EPHA3: variants seen among roughly 807,000 people sequenced by gnomAD.
The protein encoded by EPHA3 is EPH receptor A3, also known as ephrin type-A receptor 3.
EPHA3 carries 42 observed loss-of-function variants against 107.1 expected under a neutral mutation model. That is an observed-to-expected ratio of 0.39 (90% CI 0.31 to 0.51). EPHA3 has a LOEUF of 0.51. Ranked by LOEUF, EPHA3 falls within the 20% of genes least tolerant of loss-of-function variation. The probability of loss-of-function intolerance (pLI) is 0.78; values close to 1 mark genes in which losing one functional copy is unlikely to be tolerated. For synonymous variants in EPHA3, 461 were observed against 424.8 expected, an observed-to-expected ratio of 1.09 and a Z score of -1.05; for missense variants, 1,183 against 1,211.2, an observed-to-expected ratio of 0.98 and a Z score of 0.35.
Position 89,137,930 on chromosome 3 carries a change from T to C in EPHA3, c.153+10657T>C, listed in dbSNP as rs1344109960. ...AATGCAAAATTCTGGGCCCCAATCA[T>C]GACCTGTTGCATTAGAAACCCTGAG... On this transcript the variant is annotated intron_variant, in intron 2 of 16. Coordinates refer to ENST00000336596, the MANE Select transcript of EPHA3 (RefSeq NM_005233.6). Among the ~76,000 whole-genome samples the C allele has an allele frequency of 3.9e-5, 6 of 151,982 alleles. No homozygotes were observed. The East Asian group carries it at 1.2e-3, about 29-fold the overall frequency.
At chr3:89,290,458 C>G (rs73846127) in intron 3 of EPHA3, among the ~76,000 whole-genome samples, 5,206 of 152,142 alleles carry the variant, frequency 0.034, 301 homozygotes, top group African/African-American at 0.12. Flanking sequence ...AATGGGTACC[C>G]TCTCCTCCAC....
rs189162463 is a variant in EPHA3 at position 89,128,260 on chromosome 3, C to T, written c.153+987C>T. On this transcript the variant is annotated intron_variant, in intron 2 of 16. Transcript: ENST00000336596. ...ATGTTTTCCATCAGAGATACTTCAT[C>T]TATCTGTCATCTTTGTATCTGCTTC... Among the ~76,000 whole-genome samples the T allele has an allele frequency of 3.3e-4, 51 of 152,246 alleles. 3 individuals carry two copies. The East Asian group carries it at 9.5e-3, about 28-fold the overall frequency.
intron 11 of EPHA3, among the ~76,000 whole-genome samples, chr3:89,425,130 C>A (rs1709430365): frequency 6.6e-6 from 1 of 151,176 alleles, no homozygotes; most frequent in Non-Finnish European, 1.5e-5. Flanking sequence ...GGGGTCATTT[C>A]CACACAATAA....
chr3:89,209,510 TA>T (rs1212486060), intron 2 of EPHA3, among the ~76,000 whole-genome samples: 1 of 152,142 alleles, frequency 6.6e-6, no homozygotes, highest in Non-Finnish European at 1.5e-5. Flanking sequence ...TTTTCTTTTT[TA>T]AACTGAGAAA....
chr3:89,377,636 G>C (rs181441585), intron 5 of EPHA3, among the ~76,000 whole-genome samples: 12 of 152,144 alleles, frequency 7.9e-5, no homozygotes, highest in African/African-American at 2.9e-4. Context: ...TTTGCCTCTA[G>C]CATTTTTCCC....
intron 3 of EPHA3, among the ~76,000 whole-genome samples, chr3:89,276,301 A>T (rs1323022998): frequency 6.6e-6 from 1 of 152,090 alleles, no homozygotes; most frequent in Non-Finnish European, 1.5e-5. Flanking sequence ...CTCAGATAGG[A>T]TGTCTATCAA....
intron 5 of EPHA3, among the ~76,000 whole-genome samples, chr3:89,342,891 A>ACACT (rs1707563720): frequency 6.6e-6 from 1 of 151,456 alleles, no homozygotes; most frequent in African/African-American, 2.4e-5. Context: ...ACACACACAC[A>ACACT]CACAAACATT....
At chr3:89,302,613 G>C (rs1165164252) in intron 3 of EPHA3, among the ~76,000 whole-genome samples, 1 of 152,054 alleles carries the variant, frequency 6.6e-6, no homozygotes, top group African/African-American at 2.4e-5. Flanking sequence ...TGTATGTCAT[G>C]ACTGCTTATT....
chr3:89,343,531 C>T (rs546168600), intron 5 of EPHA3, among the ~76,000 whole-genome samples: 1 of 152,280 alleles, frequency 6.6e-6, no homozygotes, highest in Non-Finnish European at 1.5e-5. Flanking sequence ...GAGCCTTTGG[C>T]TAGCACCCGT....
chr3:89,343,140 A>T (rs1157546673), intron 5 of EPHA3, among the ~76,000 whole-genome samples: 2 of 152,154 alleles, frequency 1.3e-5, no homozygotes, highest in East Asian at 3.9e-4. Context: ...GGCAAAAGGA[A>T]ACCAGAGGTG....
At chr3:89,398,428 C>A (rs1036352521) in intron 6 of EPHA3, among the ~76,000 whole-genome samples, 1 of 152,164 alleles carries the variant, frequency 6.6e-6, no homozygotes, top group African/African-American at 2.4e-5. Context: ...TCCTAGAGAT[C>A]CTTTTTGGGA....
At chr3:89,203,812 A>G (rs1386891924) in intron 2 of EPHA3, among the ~76,000 whole-genome samples, 1 of 151,980 alleles carries the variant, frequency 6.6e-6, no homozygotes, top group Admixed American at 6.6e-5. Context: ...TAAAAATATT[A>G]AGAAAAAAAC....
chr3:89,268,708 C>A (rs1188049300), intron 3 of EPHA3, among the ~76,000 whole-genome samples: 3 of 151,880 alleles, frequency 2.0e-5, no homozygotes, highest in African/African-American at 7.2e-5. Context: ...GAAATCTTGT[C>A]TATAGCACTT....
intron 11 of EPHA3, among the ~76,000 whole-genome samples, chr3:89,428,315 A>G (rs1021620213): frequency 1.3e-5 from 2 of 152,012 alleles, no homozygotes; most frequent in African/African-American, 4.8e-5. Flanking sequence ...TCTCATGTGT[A>G]AAATGGAAAT....
intron 11 of EPHA3, among the ~76,000 whole-genome samples, chr3:89,428,035 G>T (rs1341939430): frequency 1.3e-5 from 2 of 151,824 alleles, no homozygotes; most frequent in Non-Finnish European, 2.9e-5. Context: ...AAGTCTTAAG[G>T]TCATCATTTT....
At chr3:89,262,266 C>T (rs1173671884) in intron 3 of EPHA3, among the ~76,000 whole-genome samples, 1 of 152,168 alleles carries the variant, frequency 6.6e-6, no homozygotes, top group Non-Finnish European at 1.5e-5. Flanking sequence ...TAACAATTTA[C>T]TACAAACTGG....
chr3:89,389,660 G>A (rs918060142), intron 5 of EPHA3, among the ~76,000 whole-genome samples: 4 of 152,148 alleles, frequency 2.6e-5, no homozygotes, highest in African/African-American at 9.7e-5. Flanking sequence ...GCAGAATAAT[G>A]GCAAATATAG....
intron 5 of EPHA3, among the ~76,000 whole-genome samples, chr3:89,361,058 GTCTT>G (rs1473806510): frequency 6.6e-6 from 1 of 150,916 alleles, no homozygotes; most frequent in Admixed American, 6.7e-5. Context: ...CACTTGGCAA[GTCTT>G]TCTTCAGTTA....
At chr3:89,213,890 T>C (rs1489334918) in intron 3 of EPHA3, among the ~76,000 whole-genome samples, 2 of 152,002 alleles carry the variant, frequency 1.3e-5, no homozygotes, top group Non-Finnish European at 2.9e-5. Flanking sequence ...CAGCTGTCTA[T>C]TTCCTCTTTG....
Sources: gnomAD v4.1 joint callset for allele counts (sites outside exome capture counted in the v4.1 genomes callset) on GRCh38, gnomAD v4.1.1 for gene constraint, MANE v1.5 for transcripts, NCBI Gene and HGNC (gene_info 2026-07-23, HGNC 2026-07-21) for gene names.